Variants in NEMP2 observed in about 807,000 individuals in gnomAD.
The protein encoded by NEMP2 is UPF0571 transmembrane protein.
Under a neutral mutation model 54.2 loss-of-function variants are expected in NEMP2, and 53 were observed. The observed-to-expected ratio is 0.98, with a 90% CI of 0.78 to 1.23. The LOEUF (loss-of-function observed/expected upper bound fraction) is 1.23, where lower values mean the gene tolerates loss of function less well. NEMP2 is among the 50% of genes most tolerant of loss of function. The probability of loss-of-function intolerance (pLI) is 0.00; values close to 1 mark genes in which losing one functional copy is unlikely to be tolerated. For synonymous variants in NEMP2, 197 were observed against 190.3 expected (o/e 1.04, Z -0.29); for missense variants, 455 against 511.3 (o/e 0.89, Z 1.06).
At chr2:190,600,546 T>A in the NEMP2 span, among the ~76,000 whole-genome samples, 2 of 152,108 alleles carry the variant, frequency 1.3e-5, no homozygotes, top group Admixed American at 1.3e-4. The surrounding 1 kb of genome is among the most constrained non-coding windows in gnomAD (Gnocchi z 4.9). Flanking sequence ...TTGGGGTGGG[T>A]GAATCCTTGC....
At chr2:190,574,839 T>G in the NEMP2 span, among the ~76,000 whole-genome samples, 1 of 129,784 alleles carries the variant, frequency 7.7e-6, no homozygotes, top group Non-Finnish European at 1.6e-5. Context: ...TTTCCTTCCT[T>G]CTTTTTCTTT....
the NEMP2 span, chr2:190,454,094 GT>G: frequency 1.4e-4 from 21 of 152,154 alleles, no homozygotes; most frequent in African/African-American, 5.1e-4. The surrounding 1 kb of genome is among the most constrained non-coding windows in gnomAD (Gnocchi z 4.6). Flanking sequence ...GCAATTTATA[GT>G]TTTAACAAAT....
rs1173922195 is a variant in NEMP2, at chr2:190,534,636, C to G, written c.20G>C (p.Arg7Pro). Residue 7 changes from arginine to proline, a missense_variant, in exon 1 of 9, where the codon CGG becomes CCG. Arg to Pro is a moderately radical substitution (Grantham distance 103). Transcript: ENST00000409150. ...CGGCAGCCAGAGCAGCAGCCACCAC[C>G]GCCCTTGGCGCGGCCCCATTTCGTT... MGPRQGRWWLLLWLPPL... is the reference protein window; with the variant it reads MGPRQGPWWLLLWLPPL... 3.7e-6 allele frequency: 5 copies of G among 1,340,482 alleles called. No individual in the cohort carries two copies. Among genetic ancestry groups the G allele is most frequent in the Non-Finnish European group, 3.8e-6 (4 of 1,050,272 alleles). The allele number at this position is 1,340,482 out of a possible 1,614,324, so 83.0% of individuals were successfully genotyped here.
At chr2:190,571,870 C>G in the NEMP2 span, among the ~76,000 whole-genome samples, 1 of 152,150 alleles carries the variant, frequency 6.6e-6, no homozygotes, top group Non-Finnish European at 1.5e-5. Flanking sequence ...TCCACACACA[C>G]AGTCTGAGTT....
chr2:190,516,245 G>A (rs888249601), intron 6 of NEMP2, 25 bp downstream of exon 6: 22 of 1,481,418 alleles, frequency 1.5e-5, no homozygotes, highest in Non-Finnish European at 2.0e-5. Flanking sequence ...CAATCACAGA[G>A]CATATTGTTT....
chr2:190,490,427 G>C, the NEMP2 span, among the ~76,000 whole-genome samples: 1 of 152,050 alleles, frequency 6.6e-6, no homozygotes, highest in Non-Finnish European at 1.5e-5. This position sits in a 1 kb window ranked among gnomAD's most constrained non-coding sequence, Gnocchi z 4.5. Context: ...GCCGGGCACG[G>C]TGGTGGGCGC....
the NEMP2 span, among the ~76,000 whole-genome samples, chr2:190,490,312 C>T: frequency 6.6e-6 from 1 of 151,594 alleles, no homozygotes; most frequent in African/African-American, 2.4e-5. This position sits in a 1 kb window ranked among gnomAD's most constrained non-coding sequence, Gnocchi z 4.5. Flanking sequence ...GCCTGTAATC[C>T]CAACACTTTG....
the NEMP2 span, among the ~76,000 whole-genome samples, chr2:190,482,601 C>A: frequency 1.3e-5 from 2 of 152,078 alleles, no homozygotes; most frequent in Non-Finnish European, 2.9e-5. Flanking sequence ...CTCCTCCCAG[C>A]CATTATAATG....
chr2:190,446,919 G>A, the NEMP2 span, among the ~76,000 whole-genome samples: 2 of 152,166 alleles, frequency 1.3e-5, no homozygotes, highest in Non-Finnish European at 2.9e-5. Flanking sequence ...GGATTCTGAG[G>A]ATCTCTCCCA....
At chr2:190,630,341 C>T in the NEMP2 span, among the ~76,000 whole-genome samples, 1 of 152,128 alleles carries the variant, frequency 6.6e-6, no homozygotes, top group Admixed American at 6.5e-5. The surrounding 1 kb of genome is among the most constrained non-coding windows in gnomAD (Gnocchi z 5.5). Flanking sequence ...CCTCAGCCTC[C>T]CGAGTAGCTG....
the NEMP2 span, among the ~76,000 whole-genome samples, chr2:190,574,941 A>G: frequency 2.0e-5 from 3 of 150,682 alleles, no homozygotes; most frequent in African/African-American, 4.9e-5. Flanking sequence ...TACGATCTCC[A>G]CCTCCTGGGT....
chr2:190,524,682 T>G (rs1162280219), intron 2 of NEMP2, among the ~76,000 whole-genome samples: 1 of 152,222 alleles, frequency 6.6e-6, no homozygotes, highest in African/African-American at 2.4e-5. Context: ...ACTTACTAGT[T>G]TTACCATTTT....
In NEMP2 at chr2:190,510,343, C is replaced by G. The variant is rs137941105; in HGVS notation, c.1130+18G>C. The G allele has an allele frequency of 1.4e-5, 21 of 1,551,196 alleles. No individual in the cohort carries two copies. In the South Asian group the frequency reaches 2.4e-4, roughly 18 times the overall value. On this transcript the variant is annotated intron_variant, in intron 8 of 8. Coordinates refer to ENST00000409150, the MANE Select transcript of NEMP2 (RefSeq NM_001142645.2). This position sits in a 1 kb window ranked among gnomAD's most constrained non-coding sequence, Gnocchi z 5.7. ...ATTCTGAACTAAACTATGGTCCGAG[C>G]AGCAGAGCGGGACTTACTTGCTAGG... is the stretch of plus-strand genomic sequence containing the variant.
the NEMP2 span, chr2:190,626,885 G>T: frequency 6.6e-6 from 1 of 152,168 alleles, no homozygotes; most frequent in Admixed American, 6.5e-5. This position sits in a 1 kb window ranked among gnomAD's most constrained non-coding sequence, Gnocchi z 4.5. Context: ...GGAATCACAT[G>T]ATTAACACTT....
the NEMP2 span, among the ~76,000 whole-genome samples, chr2:190,572,873 A>ATG: frequency 6.3e-3 from 694 of 110,086 alleles, 3 homozygotes; most frequent in Middle Eastern, 0.011. Context: ...ATATATATAT[A>ATG]TATGTATATA....
At chr2:190,437,413 G>A in the NEMP2 span, 1 of 1,614,190 alleles carries the variant, frequency 6.2e-7, no homozygotes, top group South Asian at 1.1e-5. This position sits in a 1 kb window ranked among gnomAD's most constrained non-coding sequence, Gnocchi z 5.9. Context: ...TTTTGGATAT[G>A]GCTTCGTGTT....
the NEMP2 span, chr2:190,624,432 C>G: frequency 6.6e-6 from 1 of 152,128 alleles, no homozygotes. Context: ...ATCTAGCAAT[C>G]CTACTGCTAA....
chr2:190,567,743 G>A, the NEMP2 span, among the ~76,000 whole-genome samples: 2 of 152,218 alleles, frequency 1.3e-5, no homozygotes, highest in Non-Finnish European at 1.5e-5. This position sits in a 1 kb window ranked among gnomAD's most constrained non-coding sequence, Gnocchi z 4.0. Flanking sequence ...CTGCCTCTTG[G>A]GTTCAAGTTA....
chr2:190,531,894 C>T lies in NEMP2; in HGVS notation c.97+2665G>A, dbSNP rs565519901. ...ATGCTAAAAATAAAAAGCACAAACA[C>T]CTCAAATCTTAGCAGAACCTAACTC... On this transcript the variant is annotated intron_variant, in intron 1 of 8. Coordinates refer to ENST00000409150, the MANE Select transcript of NEMP2 (RefSeq NM_001142645.2). The surrounding 1 kb of genome is among the most constrained non-coding windows in gnomAD (Gnocchi z 4.7). 3.3e-5 allele frequency among the ~76,000 whole-genome samples: 5 copies of T among 152,178 alleles called. No individual in the cohort carries two copies. The South Asian group carries it at 1.0e-3, about 32-fold the overall frequency.
Sources: gnomAD v4.1 joint callset for allele counts (sites outside exome capture counted in the v4.1 genomes callset) on GRCh38, gnomAD v4.1.1 for gene constraint, Gnocchi (gnomAD v3.1) non-coding constraint, MANE v1.5 for transcripts, NCBI Gene and HGNC (gene_info 2026-07-23, HGNC 2026-07-21) for gene names.